FAT4: variants seen among roughly 807,000 people sequenced by gnomAD.
FAT4 encodes the protein FAT atypical cadherin 4, also known as protocadherin Fat 4.
A neutral mutation model predicts 303.9 loss-of-function variants in FAT4; 84 were observed. The ratio of observed to expected loss-of-function variants is 0.28; its 90% CI spans 0.23 to 0.33. FAT4 has a LOEUF of 0.33. FAT4 is among the 10% of genes least tolerant of loss of function. FAT4 has a pLI of 1.00. For missense variants in FAT4, 6,005 were observed against 6,146.8 expected (o/e 0.98, Z 0.77); for synonymous variants, 2,307 against 2,298.8 (o/e 1.00, Z -0.10).
intron 12 of FAT4, among the ~76,000 whole-genome samples, chr4:125,472,360 T>C (rs920674514): frequency 6.6e-6 from 1 of 152,176 alleles, no homozygotes; most frequent in Admixed American, 6.6e-5. Flanking sequence ...ACTAAATGTA[T>C]GGAATATGTT....
chr4:125,348,162 AG>A (rs139419286), intron 2 of FAT4, among the ~76,000 whole-genome samples: 8,948 of 151,950 alleles, frequency 0.059, 390 homozygotes, highest in South Asian at 0.16. Flanking sequence ...TACATTGTTT[AG>A]TTATTGTGTG....
Position 125,319,139 on chromosome 4 carries a change from C to A in FAT4, c.2728C>A (p.His910Asn), listed in dbSNP as rs1307785384. 1 of 1,614,064 alleles carries A rather than the reference C, an allele frequency of 6.2e-7. No individual in the cohort carries two copies. The highest frequency in any genetic ancestry group is 8.5e-7 in the Non-Finnish European group (1 of 1,180,010). ...TGTGGTGGAGAATTGGCAGGCAGGT[C>A]ACAGCATTTTCCAGGCCAAAGCTGT... ...VNVVENWQAG[H>N]SIFQAKAVDP... Residue 910 changes from histidine (H) to asparagine (N), a missense_variant, in exon 2 of 18, where the codon CAC becomes AAC. Transcript: ENST00000394329.
rs1468657436 is a variant in FAT4, at chr4:125,320,404, T to C, written c.3993T>C (p.Gly1331=). ...FVDVLENMRI[G]ELVSSVTATD... ...ATGTTTTGGAAAACATGAGAATTGGTGAACTCGTGTCCTCTGTTACTGCAA... is the reference window on the plus strand; with the variant it reads ...ATGTTTTGGAAAACATGAGAATTGGCGAACTCGTGTCCTCTGTTACTGCAA... The change falls in exon 2 of 18, where the codon GGT becomes GGC. Residue 1331 remains glycine (G), a synonymous_variant. Transcript: ENST00000394329. 1.2e-6 allele frequency: 2 copies of C among 1,613,928 alleles called. No homozygotes were observed. The highest frequency in any genetic ancestry group is 1.7e-5 in the Admixed American group (1 of 59,996).
At chr4:125,363,040 A>T (rs1385531198) in intron 2 of FAT4, 17 of 152,204 alleles carry the variant, frequency 1.1e-4, no homozygotes. Flanking sequence ...TTGAAAAAAA[A>T]AATTTAGTAA....
In FAT4 at chr4:125,421,259, C is replaced by T. The variant is rs118075090; in HGVS notation, c.7018+4637C>T. Among the ~76,000 whole-genome samples the T allele has an allele frequency of 5.7e-3, 873 of 152,224 alleles. 39 individuals carry two copies. In the East Asian group the frequency reaches 0.082, roughly 14 times the overall value. On this transcript the variant is annotated intron_variant, in intron 7 of 17. Coordinates refer to ENST00000394329, the MANE Select transcript of FAT4 (RefSeq NM_001291303.3). ...ACAATTCTTTTATACCTGGTTTTCC[C>T]AAAGCAAACAATTGTGAATCTTCCA...
At chr4:125,459,849 C>T (rs983318664) in intron 10 of FAT4, among the ~76,000 whole-genome samples, 11 of 152,064 alleles carry the variant, frequency 7.2e-5, no homozygotes, top group African/African-American at 2.2e-4. Flanking sequence ...ATTCAAACTA[C>T]TGCATTCTCT....
At chr4:125,377,670 T>G (rs560973250) in intron 2 of FAT4, among the ~76,000 whole-genome samples, 3 of 152,154 alleles carry the variant, frequency 2.0e-5, no homozygotes, top group South Asian at 2.1e-4. Context: ...TGGAGTTTTA[T>G]AGGTAAAATA....
intron 7 of FAT4, among the ~76,000 whole-genome samples, chr4:125,418,426 C>A (rs4834035): frequency 0.97 from 147,480 of 152,250 alleles, 71,588 homozygotes; most frequent in East Asian, 1. Context: ...TTTTTATTTA[C>A]TGACTGCATG....
At chr4:125,387,893 A>G (rs970425784) in intron 2 of FAT4, among the ~76,000 whole-genome samples, 7 of 152,192 alleles carry the variant, frequency 4.6e-5, no homozygotes, top group Admixed American at 6.6e-5. Flanking sequence ...CTGCCAGAAT[A>G]ATGTTGCATA....
chr4:125,322,477 A>G (rs1488881512), intron 2 of FAT4, among the ~76,000 whole-genome samples: 3 of 152,264 alleles, frequency 2.0e-5, no homozygotes, highest in South Asian at 2.1e-4. Flanking sequence ...TCAACTAGAA[A>G]TGATATAGCT....
chr4:125,431,402 A>C (rs1195595349), intron 7 of FAT4, among the ~76,000 whole-genome samples: 3 of 152,220 alleles, frequency 2.0e-5, no homozygotes, highest in Non-Finnish European at 4.4e-5. Flanking sequence ...ATTGAGATGA[A>C]TTATTATTCA....
chr4:125,327,824 G>T (rs1365928058), intron 2 of FAT4, among the ~76,000 whole-genome samples: 3 of 152,064 alleles, frequency 2.0e-5, no homozygotes, highest in Non-Finnish European at 2.9e-5. Flanking sequence ...TATTTACTTA[G>T]AATTTTGTGG....
intron 12 of FAT4, among the ~76,000 whole-genome samples, chr4:125,472,607 A>G (rs1436408930): frequency 6.6e-6 from 1 of 152,188 alleles, no homozygotes. Context: ...TTGTCATTTG[A>G]TCTCAGGAAT....
At chr4:125,479,426 TC>T (rs1243907372) in intron 14 of FAT4, among the ~76,000 whole-genome samples, 8 of 152,172 alleles carry the variant, frequency 5.3e-5, no homozygotes, top group African/African-American at 1.9e-4. Flanking sequence ...GGTCCCTGGA[TC>T]ATATGTATTA....
rs1299025550 is a variant in FAT4 at position 125,320,247 on chromosome 4, C to T, written c.3836C>T (p.Pro1279Leu). Reference protein sequence around the residue: ...LIGKLDYEATPAYSLVIQAVD... With the variant: ...LIGKLDYEATLAYSLVIQAVD... ...GGCAAATTAGACTATGAAGCAACACCTGCCTATTCCCTTGTAATTCAAGCA... is the reference window on the plus strand; with the variant it reads ...GGCAAATTAGACTATGAAGCAACACTTGCCTATTCCCTTGTAATTCAAGCA... The change falls in exon 2 of 18, where the codon CCT becomes CTT. Residue 1279 changes from proline to leucine, a missense_variant. Coordinates refer to ENST00000394329, the MANE Select transcript of FAT4 (RefSeq NM_001291303.3). The T allele has an allele frequency of 2.5e-6, 4 of 1,614,046 alleles. No homozygotes were observed. In the African/African-American group the frequency reaches 5.3e-5, roughly 22 times the overall value.
chr4:125,364,167 T>A (rs932832696), intron 2 of FAT4, among the ~76,000 whole-genome samples: 3 of 152,048 alleles, frequency 2.0e-5, no homozygotes, highest in Non-Finnish European at 4.4e-5. Context: ...CCACCCCATG[T>A]GTGCCCTCAC....
intron 2 of FAT4, among the ~76,000 whole-genome samples, chr4:125,332,599 A>T (rs1434044929): frequency 6.6e-6 from 1 of 152,016 alleles, no homozygotes; most frequent in Non-Finnish European, 1.5e-5. Context: ...TAGATGAGGG[A>T]TATTCATCTC....
chr4:125,316,283 G>A lies in FAT4; in HGVS notation c.-12-117G>A, dbSNP rs1206801805. The A allele has an allele frequency of 1.6e-5, 20 of 1,285,242 alleles. No homozygotes were observed. The highest frequency in any genetic ancestry group is 1.6e-5 in the Non-Finnish European group (15 of 942,214). 79.6% of individuals were successfully genotyped at this position (1,285,242 alleles called of 1,614,324 possible). A position where few individuals can be genotyped will look rare whatever the true frequency, so the allele number is the denominator to read the frequency against. ...GCTTTTGCCGGACTGGAGGTTCTTTGAAATAGCAGAGGTCTCAGACCAAGC... is the reference window on the plus strand; with the variant it reads ...GCTTTTGCCGGACTGGAGGTTCTTTAAAATAGCAGAGGTCTCAGACCAAGC... On this transcript the variant is annotated intron_variant, in intron 1 of 17. Coordinates refer to ENST00000394329, the MANE Select transcript of FAT4 (RefSeq NM_001291303.3). The surrounding 1 kb of genome is among the most constrained non-coding windows in gnomAD (Gnocchi z 5.7).
intron 2 of FAT4, among the ~76,000 whole-genome samples, chr4:125,384,945 G>T (rs554935017): frequency 1.1e-3 from 162 of 148,254 alleles, no homozygotes; most frequent in Admixed American, 2.5e-3. Context: ...ACTAAGGAAT[G>T]ACAATATTTG....
Sources: gnomAD v4.1 joint callset for allele counts (sites outside exome capture counted in the v4.1 genomes callset) on GRCh38, gnomAD v4.1.1 for gene constraint, Gnocchi (gnomAD v3.1) non-coding constraint, MANE v1.5 for transcripts, NCBI Gene and HGNC (gene_info 2026-07-23, HGNC 2026-07-21) for gene names.